PTK2: variants seen among roughly 807,000 people sequenced by gnomAD.
PTK2 encodes protein tyrosine kinase 2.
A neutral mutation model predicts 150.1 loss-of-function variants in PTK2; 45 were observed. The observed-to-expected ratio is 0.30, with a 90% CI of 0.24 to 0.38. The LOEUF (loss-of-function observed/expected upper bound fraction) is 0.38. Ranked by LOEUF, PTK2 falls within the 10% of genes least tolerant of loss-of-function variation. The pLI is 1.00. For synonymous variants in PTK2, 432 were observed against 449.2 expected (o/e 0.96, Z 0.48); for missense variants, 919 against 1,307.3 (o/e 0.70, Z 4.58).
intron 1 of PTK2, among the ~76,000 whole-genome samples, chr8:140,938,781 A>G (rs1443605892): frequency 1.3e-5 from 2 of 152,208 alleles, no homozygotes; most frequent in Non-Finnish European, 2.9e-5. Flanking sequence ...CCATGCAAAC[A>G]TTTGACCAAG....
At chr8:140,934,885 G>T (rs908023874) in intron 1 of PTK2, among the ~76,000 whole-genome samples, 1 of 151,576 alleles carries the variant, frequency 6.6e-6, no homozygotes, top group Non-Finnish European at 1.5e-5. Flanking sequence ...TTTTCTGTAG[G>T]GAAAAGAAAG....
chr8:140,717,501 G>A (rs1215821190), intron 23 of PTK2, 97 bp downstream of exon 26: 21 of 913,098 alleles, frequency 2.3e-5, no homozygotes, highest in Non-Finnish European at 3.4e-5. Context: ...AGAATAACCT[G>A]ATATTTGACT....
intron 22 of PTK2, among the ~76,000 whole-genome samples, chr8:140,728,856 T>C (rs997089544): frequency 1.3e-5 from 2 of 152,164 alleles, no homozygotes; most frequent in Admixed American, 1.3e-4. Flanking sequence ...ATGGGTAGTA[T>C]TTGTGATCCT....
intron 2 of PTK2, among the ~76,000 whole-genome samples, chr8:140,902,566 A>C (rs374861611): frequency 1.3e-5 from 2 of 152,118 alleles, no homozygotes; most frequent in East Asian, 3.9e-4. Context: ...ACTAATTTAC[A>C]CTCCCACCAA....
intron 2 of PTK2, among the ~76,000 whole-genome samples, chr8:140,918,259 C>G (rs763643705): frequency 2.6e-5 from 4 of 152,106 alleles, no homozygotes; most frequent in African/African-American, 9.7e-5. Context: ...AAAAGGACAA[C>G]GGCCCAAAGC....
chr8:140,730,955 C>CA (rs2100048865), intron 22 of PTK2, among the ~76,000 whole-genome samples: 1 of 69,618 alleles, frequency 1.4e-5, no homozygotes, highest in African/African-American at 7.2e-5. Flanking sequence ...TAAATTAAAC[C>CA]CCCCCCCCCC....
intron 2 of PTK2, among the ~76,000 whole-genome samples, chr8:140,912,260 A>C (rs1179267245): frequency 6.6e-6 from 1 of 151,804 alleles, no homozygotes; most frequent in African/African-American, 2.4e-5. Flanking sequence ...GAAAAAAAAA[A>C]CAAAAAAACA....
intron 1 of PTK2, among the ~76,000 whole-genome samples, chr8:140,980,356 G>T (rs907539740): frequency 6.6e-6 from 1 of 152,174 alleles, no homozygotes; most frequent in Non-Finnish European, 1.5e-5. Context: ...GGTGGCTCAC[G>T]CCTGTAATCC....
chr8:140,849,596 G>GGT (rs1404562965), intron 5 of PTK2, among the ~76,000 whole-genome samples: 1 of 152,168 alleles, frequency 6.6e-6, no homozygotes, highest in Non-Finnish European at 1.5e-5. Context: ...ATCACTGTGA[G>GGT]GTGGGTACTA....
At chr8:140,830,394 C>T (rs2154602886) in intron 8 of PTK2, 78 bp downstream of exon 8, 2 of 939,856 alleles carry the variant, frequency 2.1e-6, no homozygotes, top group Non-Finnish European at 3.2e-6. Flanking sequence ...TTTTACTTTC[C>T]CAAAAGCAAT....
rs948544786 is a variant in PTK2 at position 140,815,656 on chromosome 8, A to G, written c.867+2621T>C. 3.3e-5 allele frequency among the ~76,000 whole-genome samples: 5 copies of G among 152,196 alleles called. No individual in the cohort carries two copies. The South Asian group carries it at 1.0e-3, about 32-fold the overall frequency. On this transcript the variant is annotated intron_variant, in intron 10 of 31. Coordinates refer to ENST00000522684, the Ensembl canonical transcript of PTK2. ...CCATGTCTAATAAAGTTAACATAAA[A>G]AAGTCTAGATTAATCTCACAAATAG...
intron 7 of PTK2, among the ~76,000 whole-genome samples, chr8:140,832,268 T>A (rs1337026947): frequency 1.3e-5 from 2 of 152,172 alleles, no homozygotes; most frequent in African/African-American, 2.4e-5. Context: ...TTGGCCAGGC[T>A]GGTCTCGAAC....
At chr8:140,776,662 T>A (rs913868436) in intron 14 of PTK2, among the ~76,000 whole-genome samples, 3 of 152,160 alleles carry the variant, frequency 2.0e-5, no homozygotes, top group African/African-American at 7.2e-5. Context: ...AGGCTTGGCG[T>A]GAATATCAGT....
At chr8:140,723,418 A>T (rs2100044110) in intron 22 of PTK2, among the ~76,000 whole-genome samples, 1 of 152,214 alleles carries the variant, frequency 6.6e-6, no homozygotes. Flanking sequence ...CAGAGGAACC[A>T]AGAATATAAA....
intron 2 of PTK2, among the ~76,000 whole-genome samples, chr8:140,901,305 A>C (rs542904500): frequency 1.6e-4 from 25 of 152,274 alleles, no homozygotes; most frequent in African/African-American, 5.1e-4. Context: ...TAAGACCTGA[A>C]ACTATGGAAT....
chr8:140,896,450 T>C (rs2100156245), intron 2 of PTK2, among the ~76,000 whole-genome samples: 1 of 152,204 alleles, frequency 6.6e-6, no homozygotes, highest in East Asian at 1.9e-4. Context: ...CAAAAGTTTA[T>C]TCTAGGAATA....
intron 21 of PTK2, among the ~76,000 whole-genome samples, 159 bp downstream of exon 24, chr8:140,738,859 A>C (rs1432414148): frequency 6.6e-6 from 1 of 152,244 alleles, no homozygotes; most frequent in Non-Finnish European, 1.5e-5. Context: ...AGTAGATGTC[A>C]GGCTATTTAC....
chr8:140,923,945 G>C (rs570803905), intron 2 of PTK2, among the ~76,000 whole-genome samples: 1 of 152,292 alleles, frequency 6.6e-6, no homozygotes, highest in East Asian at 1.9e-4. Context: ...ACCCTTCTGA[G>C]TTGTGCACTG....
intron 1 of PTK2, among the ~76,000 whole-genome samples, chr8:140,927,134 G>T (rs2100169769): frequency 6.6e-6 from 1 of 152,136 alleles, no homozygotes; most frequent in Non-Finnish European, 1.5e-5. Flanking sequence ...ATCCATATAT[G>T]TTATAAAACA....
Sources: gnomAD v4.1 joint callset for allele counts (sites outside exome capture counted in the v4.1 genomes callset) on GRCh38, gnomAD v4.1.1 for gene constraint, MANE v1.5 for transcripts, NCBI Gene and HGNC (gene_info 2026-07-23, HGNC 2026-07-21) for gene names.